IGF2BP3: variants seen among roughly 807,000 people sequenced by gnomAD.
IGF2BP3 encodes insulin-like growth factor 2 mRNA-binding protein 3.
Under a neutral mutation model 73.8 loss-of-function variants are expected in IGF2BP3, and 9 were observed. That is an observed-to-expected ratio of 0.12 (90% CI 0.07 to 0.21). The LOEUF (loss-of-function observed/expected upper bound fraction) is 0.21, where lower values mean the gene tolerates loss of function less well. Ranked by LOEUF, IGF2BP3 falls within the 10% of genes least tolerant of loss-of-function variation. The probability of loss-of-function intolerance (pLI) is 1.00; values close to 1 mark genes in which losing one functional copy is unlikely to be tolerated. For synonymous variants in IGF2BP3, 258 were observed against 256.7 expected, an observed-to-expected ratio of 1.01 and a Z score of -0.05; for missense variants, 542 against 714.0, an observed-to-expected ratio of 0.76 and a Z score of 2.75.
chr7:23,425,198 T>C (rs1043574453), intron 2 of IGF2BP3, among the ~76,000 whole-genome samples: 29 of 152,246 alleles, frequency 1.9e-4, no homozygotes, highest in African/African-American at 7.0e-4. Flanking sequence ...ATGCATACAG[T>C]TGATATGCTG....
At position 23,319,139 on chromosome 7, in the gene IGF2BP3, T is replaced by G. The variant is rs772825263; in HGVS notation, c.1319A>C (p.Lys440Thr). ...GAACCACAGCTGGTAGAACAGTACCTTAATTGAAGCTCCAGCAAAGCGAGA... is the reference window on the plus strand; with the variant it reads ...GAACCACAGCTGGTAGAACAGTACCGTAATTGAAGCTCCAGCAAAGCGAGA... Reference protein sequence around the residue: ...QLSRFAGASIKIAPAEAPDAK... With the variant: ...QLSRFAGASITIAPAEAPDAK... Residue 440 changes from lysine to threonine, a missense_variant and splice_region_variant, in exon 11 of 15, where the codon AAG becomes ACG. Transcript: ENST00000258729. 4 of 1,602,772 alleles carry G rather than the reference T, an allele frequency of 2.5e-6. No individual in the cohort carries two copies. In the Admixed American group the frequency reaches 6.7e-5, roughly 27 times the overall value.
chr7:23,408,562 A>T (rs1240387100), intron 3 of IGF2BP3, among the ~76,000 whole-genome samples: 1 of 152,252 alleles, frequency 6.6e-6, no homozygotes, highest in South Asian at 2.1e-4. Context: ...TAGAAATGTA[A>T]AACAGTACAG....
At chr7:23,458,351 C>T (rs1021087722) in intron 2 of IGF2BP3, among the ~76,000 whole-genome samples, 3 of 152,012 alleles carry the variant, frequency 2.0e-5, no homozygotes, top group African/African-American at 7.3e-5. Flanking sequence ...AGCAACCAGT[C>T]TCCTCACCGA....
At chr7:23,406,564 T>C (rs1786838184) in intron 3 of IGF2BP3, among the ~76,000 whole-genome samples, 1 of 151,992 alleles carries the variant, frequency 6.6e-6, no homozygotes. Flanking sequence ...TTGCAGTGAG[T>C]GTTACAGCTC....
intron 2 of IGF2BP3, among the ~76,000 whole-genome samples, chr7:23,452,525 C>T (rs1788225031): frequency 6.6e-6 from 1 of 152,122 alleles, no homozygotes; most frequent in African/African-American, 2.4e-5. Context: ...TGGGTTCCCC[C>T]AGGCGTGGTG....
At chr7:23,453,202 G>A (rs1042332190) in intron 2 of IGF2BP3, among the ~76,000 whole-genome samples, 1 of 152,170 alleles carries the variant, frequency 6.6e-6, no homozygotes, top group African/African-American at 2.4e-5. Context: ...CCAAAGTGCT[G>A]GAATTACAAG....
chr7:23,399,421 AAAAG>A (rs984547032), intron 3 of IGF2BP3, among the ~76,000 whole-genome samples: 1 of 151,644 alleles, frequency 6.6e-6, no homozygotes, highest in Non-Finnish European at 1.5e-5. Flanking sequence ...TAAAAAAAAA[AAAAG>A]AAAGAGGAAA....
At chr7:23,365,993 A>G (rs1785360164) in intron 3 of IGF2BP3, 2 of 152,246 alleles carry the variant, frequency 1.3e-5, no homozygotes, top group African/African-American at 4.8e-5. Flanking sequence ...ATCATCAAAT[A>G]TGTTAAAGTT....
At chr7:23,340,849 C>CTTT (rs551566879) in intron 10 of IGF2BP3, among the ~76,000 whole-genome samples, 1 of 139,386 alleles carries the variant, frequency 7.2e-6, no homozygotes, top group African/African-American at 2.6e-5. Flanking sequence ...TTTTCTTTTT[C>CTTT]TTTTTTTTTT....
In IGF2BP3 at chr7:23,407,477, C is replaced by T. The variant is rs371437260; in HGVS notation, c.285+11299G>A. Among the ~76,000 whole-genome samples, 17 of 151,636 alleles carry T rather than the reference C, an allele frequency of 1.1e-4. No homozygotes were observed. The East Asian group carries it at 1.6e-3, about 14-fold the overall frequency. ...TGCAAAAATTAGCTGGGCATGGTGG[C>T]GCATGTCTGTAATCCCAGCTACCTG... On this transcript the variant is annotated intron_variant, in intron 3 of 14. Coordinates refer to ENST00000258729, the MANE Select transcript of IGF2BP3 (RefSeq NM_006547.3).
chr7:23,438,788 TA>T (rs1257396981), intron 2 of IGF2BP3, among the ~76,000 whole-genome samples: 1 of 152,144 alleles, frequency 6.6e-6, no homozygotes, highest in East Asian at 1.9e-4. Context: ...CACTTCCAGT[TA>T]AATTACTTTC....
At chr7:23,441,206 A>T (rs1188376484) in intron 2 of IGF2BP3, among the ~76,000 whole-genome samples, 1 of 152,172 alleles carries the variant, frequency 6.6e-6, no homozygotes, top group Non-Finnish European at 1.5e-5. Flanking sequence ...TTAAGGTGGA[A>T]GGATCGCTTG....
intron 3 of IGF2BP3, among the ~76,000 whole-genome samples, chr7:23,382,651 A>G (rs575024834): frequency 1.8e-3 from 269 of 152,214 alleles, no homozygotes; most frequent in African/African-American, 6.3e-3. Context: ...TATACACCTT[A>G]TGGTAAAACA....
intron 2 of IGF2BP3, among the ~76,000 whole-genome samples, chr7:23,451,117 T>C (rs1457299025): frequency 6.6e-6 from 1 of 151,862 alleles, no homozygotes; most frequent in Non-Finnish European, 1.5e-5. Flanking sequence ...AACAGTTCTC[T>C]TTTATAAGAG....
chr7:23,334,896 T>G (rs770565606), intron 10 of IGF2BP3, among the ~76,000 whole-genome samples: 20 of 152,062 alleles, frequency 1.3e-4, no homozygotes, highest in Non-Finnish European at 2.5e-4. Context: ...GAGACATGCA[T>G]GTCAGCCAAC....
chr7:23,408,117 G>C (rs145284291), intron 3 of IGF2BP3, among the ~76,000 whole-genome samples: 1 of 152,218 alleles, frequency 6.6e-6, no homozygotes, highest in East Asian at 1.9e-4. Context: ...ACCTGATAAA[G>C]AGTATCTACA....
rs538332496 is a variant in IGF2BP3 at position 23,431,859 on chromosome 7, G to A, written c.237-13035C>T. 2.2e-4 allele frequency among the ~76,000 whole-genome samples: 33 copies of A among 152,164 alleles called. 1 individual carries two copies. Among genetic ancestry groups the A allele is most frequent in the Admixed American group, 6.5e-4 (10 of 15,284 alleles). Reference sequence around the variant, plus strand: ...CACACACATTCTCTCTCTCTCTTATGGATTGGTGGCCACTGTGGTATAGTT... The same window carrying A: ...CACACACATTCTCTCTCTCTCTTATAGATTGGTGGCCACTGTGGTATAGTT... On this transcript the variant is annotated intron_variant, in intron 2 of 14. Transcript: ENST00000258729.
intron 12 of IGF2BP3, among the ~76,000 whole-genome samples, chr7:23,315,695 T>G (rs1259793357): frequency 2.0e-5 from 3 of 152,166 alleles, no homozygotes; most frequent in Admixed American, 2.0e-4. Flanking sequence ...ACGTAGATAT[T>G]ACTATTACTT....
intron 10 of IGF2BP3, among the ~76,000 whole-genome samples, chr7:23,320,741 A>C (rs1032191304): frequency 6.6e-6 from 1 of 151,118 alleles, no homozygotes; most frequent in Admixed American, 6.6e-5. Flanking sequence ...TGAGCCCAGG[A>C]GTTTGAGACC....
Sources: allele counts gnomAD v4.1 joint callset (sites outside exome capture counted in the v4.1 genomes callset), GRCh38; gene constraint gnomAD v4.1.1; transcripts MANE v1.5; gene names NCBI Gene and HGNC (gene_info 2026-07-23, HGNC 2026-07-21).